The following PCDHA11 variants were observed in gnomAD, a reference collection of about 807,000 sequenced individuals.
The protein encoded by PCDHA11 is protocadherin alpha 11.
PCDHA11 carries 61 observed loss-of-function variants against 70.3 expected under a neutral mutation model. The observed-to-expected ratio is 0.87, with a 90% confidence interval of 0.71 to 1.07. PCDHA11 has a LOEUF of 1.07. PCDHA11 is among the 50% of genes least tolerant of loss of function. The pLI, the probability that PCDHA11 is intolerant of heterozygous loss-of-function variation, is 0.00. For synonymous variants in PCDHA11, 633 were observed against 555.1 expected, an observed-to-expected ratio of 1.14 and a Z score of -1.97; for missense variants, 1,324 against 1,237.5, an observed-to-expected ratio of 1.07 and a Z score of -1.05.
chr5:140,961,326 G>T (rs1450202899), intron 1 of PCDHA11, among the ~76,000 whole-genome samples: 1 of 152,154 alleles, frequency 6.6e-6, no homozygotes, highest in Admixed American at 6.5e-5. Flanking sequence ...TCTGTTTCTT[G>T]AGAGACCAAG....
chr5:140,944,316 T>G (rs140163712), intron 1 of PCDHA11, among the ~76,000 whole-genome samples: 1 of 151,958 alleles, frequency 6.6e-6, no homozygotes, highest in Non-Finnish European at 1.5e-5. Context: ...GCCTCCTGAG[T>G]AGCTGGGATT....
At chr5:140,995,559 A>G (rs2097689300) in intron 3 of PCDHA11, among the ~76,000 whole-genome samples, 1 of 152,242 alleles carries the variant, frequency 6.6e-6, no homozygotes, top group South Asian at 2.1e-4. Context: ...TGTACTGAAT[A>G]ATATGTCAAG....
In PCDHA11 at chr5:140,876,987, G is replaced by C. The variant is rs782251799; in HGVS notation, c.2391+5493G>C. 11 of 1,612,658 alleles carry C rather than the reference G, an allele frequency of 6.8e-6. No homozygotes were observed. The South Asian group carries it at 9.9e-5, about 14-fold the overall frequency. ...GGCGGGTGGGCGAGCACGCACTGTC[G>C]AGCTACGTGTCGGTGCACGCGGAGA... On this transcript the variant is annotated intron_variant, in intron 1 of 3. Coordinates refer to ENST00000398640, the MANE Select transcript of PCDHA11 (RefSeq NM_018902.5).
At chr5:140,976,310 G>A (rs1216220776) in intron 1 of PCDHA11, among the ~76,000 whole-genome samples, 1 of 152,036 alleles carries the variant, frequency 6.6e-6, no homozygotes, top group African/African-American at 2.4e-5. Context: ...CAGCACTTTG[G>A]GAGGCCGAGG....
At chr5:140,997,668 T>TTGTGTGTGTG (rs35184029) in intron 3 of PCDHA11, among the ~76,000 whole-genome samples, 47 of 148,344 alleles carry the variant, frequency 3.2e-4, no homozygotes, top group East Asian at 1.8e-3. Flanking sequence ...ATTATACAGC[T>TTGTGTGTGTG]TGTGTGTGTG....
At position 140,870,457 on chromosome 5, in the gene PCDHA11, C is replaced by T. The variant is rs2052038650; in HGVS notation, c.1354C>T (p.Pro452Ser). 3.1e-6 allele frequency: 5 copies of T among 1,614,110 alleles called. No individual in the cohort carries two copies. Among genetic ancestry groups the T allele is most frequent in the African/African-American group, 1.3e-5 (1 of 74,948 alleles). ...GGTGGCCGACGTGAACGACAATGCG[C>T]CTGCGTTCGCACAGCCCGAGTACAC... Reference protein sequence around the residue: ...VEVADVNDNAPAFAQPEYTVF... With the variant: ...VEVADVNDNASAFAQPEYTVF... Residue 452 changes from proline to serine, a missense_variant, in exon 1 of 4, where the codon CCT becomes TCT. Coordinates refer to ENST00000398640, the MANE Select transcript of PCDHA11 (RefSeq NM_018902.5).
In PCDHA11 at chr5:140,904,790, G is replaced by T. The variant is rs139747501; in HGVS notation, c.2391+33296G>T. 2.6e-3 allele frequency among the ~76,000 whole-genome samples: 392 copies of T among 152,018 alleles called. 4 individuals carry two copies. In the East Asian group the frequency reaches 0.045, roughly 17 times the overall value. The stretch of plus-strand genomic sequence containing the variant: ...TGGTATCACATTATTGTTTTAATTT[G>T]CATTTTCCTGATAATTAGTGATGTT... On this transcript the variant is annotated intron_variant, in intron 1 of 3. Coordinates refer to ENST00000398640, the MANE Select transcript of PCDHA11 (RefSeq NM_018902.5).
At chr5:140,964,015 A>G (rs1466689123) in intron 1 of PCDHA11, among the ~76,000 whole-genome samples, 1 of 152,178 alleles carries the variant, frequency 6.6e-6, no homozygotes. Context: ...TTTAATAGAG[A>G]GCTCTTGAAG....
At chr5:140,933,513 G>A (rs2089204044) in intron 1 of PCDHA11, among the ~76,000 whole-genome samples, 1 of 152,012 alleles carries the variant, frequency 6.6e-6, no homozygotes, top group African/African-American at 2.4e-5. Context: ...AAAGACTACA[G>A]CTGTTTTGTT....
chr5:140,934,833 G>C (rs1584817572), intron 1 of PCDHA11, among the ~76,000 whole-genome samples: 1 of 152,100 alleles, frequency 6.6e-6, no homozygotes, highest in Admixed American at 6.5e-5. Context: ...GGCAAGTTGG[G>C]AACTGTTCAG....
intron 3 of PCDHA11, among the ~76,000 whole-genome samples, chr5:141,005,543 A>G (rs2153984572): frequency 6.6e-6 from 1 of 151,530 alleles, no homozygotes; most frequent in South Asian, 2.1e-4. Context: ...CTCTACTAAA[A>G]ATACAAAAAT....
chr5:140,930,912 T>C (rs1205979304), intron 1 of PCDHA11, among the ~76,000 whole-genome samples: 3 of 152,196 alleles, frequency 2.0e-5, no homozygotes, highest in Non-Finnish European at 4.4e-5. Flanking sequence ...TTTTCTACTT[T>C]AGATGTGTAT....
chr5:140,997,971 G>A (rs2097791982), intron 3 of PCDHA11, among the ~76,000 whole-genome samples: 3 of 152,086 alleles, frequency 2.0e-5, no homozygotes, highest in Admixed American at 2.0e-4. Context: ...CCTGTGGTTG[G>A]ACTGCACTTG....
Position 140,927,380 on chromosome 5 carries a change from T to A in PCDHA11, c.2392-51569T>A, listed in dbSNP as rs1245076146. 1 of 1,614,198 alleles carries A rather than the reference T, an allele frequency of 6.2e-7. No individual in the cohort carries two copies. Among genetic ancestry groups the A allele is most frequent in the African/African-American group, 1.3e-5 (1 of 75,060 alleles). On this transcript the variant is annotated intron_variant, in intron 1 of 3. Transcript: ENST00000398640. ...AGCAATGGGATACTAAGCTACAGCCTAAGCCCCAGTCAGCACTTTCGCCTG... is the reference window on the plus strand; with the variant it reads ...AGCAATGGGATACTAAGCTACAGCCAAAGCCCCAGTCAGCACTTTCGCCTG...
At chr5:140,951,541 G>C (rs1029557427) in intron 1 of PCDHA11, among the ~76,000 whole-genome samples, 5 of 152,092 alleles carry the variant, frequency 3.3e-5, no homozygotes, top group African/African-American at 1.2e-4. Flanking sequence ...AGGAGCAAGG[G>C]ACGGGGGGAA....
At chr5:140,922,150 T>C (rs999486530) in intron 1 of PCDHA11, among the ~76,000 whole-genome samples, 5 of 151,298 alleles carry the variant, frequency 3.3e-5, no homozygotes, top group African/African-American at 1.2e-4. Flanking sequence ...ATGAAACTCA[T>C]CAAAAACAAC....
At chr5:140,920,609 G>C (rs1319890021) in intron 1 of PCDHA11, among the ~76,000 whole-genome samples, 1 of 152,160 alleles carries the variant, frequency 6.6e-6, no homozygotes. Flanking sequence ...ACTTTGGGAG[G>C]CCGAGGCGGA....
At chr5:140,909,101 G>C (rs1242179195) in intron 1 of PCDHA11, among the ~76,000 whole-genome samples, 1 of 152,122 alleles carries the variant, frequency 6.6e-6, no homozygotes, top group Non-Finnish European at 1.5e-5. Flanking sequence ...CACTCACTGG[G>C]TCCAATCAGC....
chr5:140,926,787 A>G, intron 1 of PCDHA11: 2 of 1,420,842 alleles, frequency 1.4e-6, no homozygotes, highest in Non-Finnish European at 1.8e-6. Context: ...GACGGCCGGC[A>G]GGAGCGTGCT....
Sources: allele counts gnomAD v4.1 joint callset (sites outside exome capture counted in the v4.1 genomes callset), GRCh38; gene constraint gnomAD v4.1.1; transcripts MANE v1.5; gene names NCBI Gene and HGNC (gene_info 2026-07-23, HGNC 2026-07-21).